Variants in ADGB observed in about 807,000 individuals in gnomAD.
The protein encoded by ADGB is calpain-7-like protein.
In ADGB, 172 loss-of-function variants were observed where a neutral mutation model predicts 210.5. The ratio of observed to expected loss-of-function variants is 0.82; its 90% confidence interval spans 0.72 to 0.93. The LOEUF is 0.93. ADGB is among the 40% of genes least tolerant of loss of function. The pLI, the probability that ADGB is intolerant of heterozygous loss-of-function variation, is 0.00. For missense variants in ADGB, 2,025 were observed against 1,964.8 expected (o/e 1.03, Z -0.58); for synonymous variants, 658 against 662.7 (o/e 0.99, Z 0.11).
Position 146,801,916 on chromosome 6 carries a change from C to T in ADGB, c.4723C>T (p.Gln1575Ter), listed in dbSNP as rs1778140577. 1 of 1,551,196 alleles carries T rather than the reference C, an allele frequency of 6.4e-7. No individual in the cohort carries two copies. The highest frequency in any genetic ancestry group is 8.7e-7 in the Non-Finnish European group (1 of 1,146,758). The change falls in exon 35 of 36, where the codon CAG (glutamine) becomes TAG (stop). Residue 1575 changes from glutamine (Q) to a stop codon, truncating the protein, a stop_gained. Coordinates refer to ENST00000397944, the MANE Select transcript of ADGB (RefSeq NM_024694.4). LOFTEE classifies it high-confidence loss of function. ...QKAEEIHQFR[Q>*]HRTRVLSIRN... ...GGCGGAAGAAATTCATCAGTTTCGA[C>T]AGCATAGGACCAGAGTCCTTAGCAT...
At chr6:146,800,353 T>C (rs1583645456) in intron 33 of ADGB, among the ~76,000 whole-genome samples, 1 of 151,778 alleles carries the variant, frequency 6.6e-6, no homozygotes, top group Admixed American at 6.6e-5. Flanking sequence ...TTGCCCGGAG[T>C]TTGTGGTGAG....
At chr6:146,763,427 G>C (rs1038040081) in intron 27 of ADGB, among the ~76,000 whole-genome samples, 11 of 151,876 alleles carry the variant, frequency 7.2e-5, no homozygotes, top group African/African-American at 2.7e-4. Flanking sequence ...TATATGATCT[G>C]TTAATTAGAA....
chr6:146,664,078 A>AGT (rs1775903864), intron 5 of ADGB, 123 bp from the exon 6 acceptor site: 3 of 909,226 alleles, frequency 3.3e-6, no homozygotes, highest in Non-Finnish European at 4.8e-6. Context: ...TCCGTCTTTC[A>AGT]GTGTAAGATG....
chr6:146,717,640 G>T, intron 16 of ADGB, 41 bp downstream of exon 16: 2 of 1,031,796 alleles, frequency 1.9e-6, no homozygotes, highest in Non-Finnish European at 2.7e-6. Flanking sequence ...TTAAATTTTT[G>T]GTAGAATTGC....
In ADGB at chr6:146,802,769, A is replaced by T. The variant is rs988012164; in HGVS notation, c.4818+758A>T. 7 of 1,599,434 alleles carry T rather than the reference A, an allele frequency of 4.4e-6. No individual in the cohort carries two copies. In the African/African-American group the frequency reaches 8.0e-5, roughly 18 times the overall value. On this transcript the variant is annotated intron_variant, in intron 35 of 35. Coordinates refer to ENST00000397944, the MANE Select transcript of ADGB (RefSeq NM_024694.4). ...CAGTTCAGGGATGTTTTGAAAAACC[A>T]AATCCTCTTTAGTAGATGAAATCTC...
chr6:146,710,404 C>A (rs1161794258), intron 13 of ADGB, among the ~76,000 whole-genome samples: 2 of 151,844 alleles, frequency 1.3e-5, no homozygotes, highest in Admixed American at 6.6e-5. Flanking sequence ...AAATTTTGAG[C>A]CATTGCAATA....
chr6:146,618,770 A>G (rs997085101), intron 1 of ADGB, among the ~76,000 whole-genome samples: 4 of 152,216 alleles, frequency 2.6e-5, no homozygotes. Flanking sequence ...GTGACCTAAC[A>G]TATGGTCTGT....
At chr6:146,746,947 C>T (rs1419615339) in intron 26 of ADGB, among the ~76,000 whole-genome samples, 2 of 152,166 alleles carry the variant, frequency 1.3e-5, no homozygotes, top group Non-Finnish European at 2.9e-5. Flanking sequence ...AAATCATCAC[C>T]TTTAATGATA....
At chr6:146,649,944 A>C (rs189048008) in intron 3 of ADGB, among the ~76,000 whole-genome samples, 1 of 152,196 alleles carries the variant, frequency 6.6e-6, no homozygotes, top group Non-Finnish European at 1.5e-5. Flanking sequence ...ACATACATAT[A>C]CCTAAACATA....
intron 7 of ADGB, among the ~76,000 whole-genome samples, chr6:146,667,482 G>A (rs1168669093): frequency 3.9e-5 from 6 of 151,948 alleles, no homozygotes; most frequent in Non-Finnish European, 7.4e-5. Flanking sequence ...GGCAAATAGA[G>A]GGAAAACAGA....
In ADGB at chr6:146,733,175, C is replaced by G; in HGVS notation, c.2576C>G (p.Pro859Arg). Residue 859 changes from proline (P) to arginine (R), a missense_variant, in exon 21 of 36, where the codon CCT (proline) becomes CGT (arginine). By Grantham distance (103) the Pro-to-Arg change is moderately radical. Coordinates refer to ENST00000397944, the MANE Select transcript of ADGB (RefSeq NM_024694.4). Reference protein sequence around the residue: ...LMKKVQITKPPPNFKFAFRAM... With the variant: ...LMKKVQITKPRPNFKFAFRAM... ...AAAAAAGTTCAAATAACAAAACCTC[C>G]TCCAAACTTCAAATTTGCATTCCGG... 1 of 1,542,024 alleles carries G rather than the reference C, an allele frequency of 6.5e-7. No homozygotes were observed. The highest frequency in any genetic ancestry group is 8.8e-7 in the Non-Finnish European group (1 of 1,141,298).
chr6:146,685,177 A>G (rs1003870206), intron 9 of ADGB, among the ~76,000 whole-genome samples: 2 of 152,116 alleles, frequency 1.3e-5, no homozygotes, highest in Non-Finnish European at 2.9e-5. Context: ...CAAGGATAAG[A>G]AAAACATTAC....
chr6:146,763,120 G>T (rs535196041), intron 27 of ADGB, among the ~76,000 whole-genome samples: 1 of 152,256 alleles, frequency 6.6e-6, no homozygotes, highest in South Asian at 2.1e-4. Context: ...GTACTTCCCT[G>T]TATACAGTTG....
At position 146,725,956 on chromosome 6, in the gene ADGB, G is replaced by A. The variant is rs972751661; in HGVS notation, c.2238-127G>A. ...ATTCAAAGATCCTTATCTCATCTGT[G>A]TTAAAAATTGAACTCTTCCCTAACC... On this transcript the variant is annotated intron_variant, in intron 18 of 35. Transcript: ENST00000397944. 1.0e-4 allele frequency: 57 copies of A among 564,982 alleles called. 1 individual carries two copies. The highest frequency in any genetic ancestry group is 8.5e-5 in the Admixed American group (3 of 35,284). 35.0% of individuals were successfully genotyped at this position (564,982 alleles called of 1,614,324 possible). A position where few individuals can be genotyped will look rare whatever the true frequency, so the allele number is the denominator to read the frequency against.
intron 28 of ADGB, among the ~76,000 whole-genome samples, chr6:146,765,714 T>C (rs1444475629): frequency 2.6e-5 from 4 of 151,690 alleles, no homozygotes. Flanking sequence ...AAAATAGCAT[T>C]TGTTTACTAC....
chr6:146,655,911 A>G (rs867852185), intron 4 of ADGB, among the ~76,000 whole-genome samples: 1 of 152,238 alleles, frequency 6.6e-6, no homozygotes, highest in Non-Finnish European at 1.5e-5. Flanking sequence ...TAATTTCCTT[A>G]TAAACCAGGC....
At position 146,627,277 on chromosome 6, in the gene ADGB, T is replaced by A. The variant is rs553435328; in HGVS notation, c.75-8098T>A. ...TAAGTCAATCAATTGTTTCTGTTGTTGTTGTTTCTCTCCATTAGTCATATG... is the reference window on the plus strand; with the variant it reads ...TAAGTCAATCAATTGTTTCTGTTGTAGTTGTTTCTCTCCATTAGTCATATG... On this transcript the variant is annotated intron_variant, in intron 1 of 35. Coordinates refer to ENST00000397944, the MANE Select transcript of ADGB (RefSeq NM_024694.4). Among the ~76,000 whole-genome samples the A allele has an allele frequency of 3.9e-5, 6 of 152,276 alleles. No homozygotes were observed. In the South Asian group the frequency reaches 1.2e-3, roughly 32 times the overall value.
In ADGB at chr6:146,654,170, C is replaced by A. The variant is rs1775744124; in HGVS notation, c.366C>A (p.Asp122Glu). Residue 122 changes from aspartate to glutamate, a missense_variant, in exon 4 of 36, where the codon GAC becomes GAA. By Grantham distance (45) the Asp-to-Glu change is conservative. Coordinates refer to ENST00000397944, the MANE Select transcript of ADGB (RefSeq NM_024694.4). ...TTGTGAAAAATGAAATCACGTTTGA[C>A]TTATTTTCAGCAAATGAACATTTAC... Reference protein sequence around the residue: ...PVVVKNEITFDLFSANEHLLC... With the variant: ...PVVVKNEITFELFSANEHLLC... 1 of 1,543,984 alleles carries A rather than the reference C, an allele frequency of 6.5e-7. No individual in the cohort carries two copies. Among genetic ancestry groups the A allele is most frequent in the Non-Finnish European group, 8.8e-7 (1 of 1,141,958 alleles).
intron 14 of ADGB, among the ~76,000 whole-genome samples, chr6:146,716,547 T>C (rs1054502209): frequency 5.3e-5 from 6 of 112,244 alleles, no homozygotes; most frequent in Non-Finnish European, 9.2e-5. Flanking sequence ...GAGCCGAGAT[T>C]GCGCCACTGC....
Sources: gnomAD v4.1 joint callset for allele counts (sites outside exome capture counted in the v4.1 genomes callset) on GRCh38, gnomAD v4.1.1 for gene constraint, MANE v1.5 for transcripts, NCBI Gene and HGNC (gene_info 2026-07-23, HGNC 2026-07-21) for gene names.